The following GPC4 variants were observed in gnomAD, a reference collection of about 807,000 sequenced individuals.
The protein encoded by GPC4 is glypican 4, also known as glypican-4.
In GPC4, 10 loss-of-function variants were observed where a neutral mutation model predicts 35.0. That is an observed-to-expected ratio of 0.29 (90% CI 0.18 to 0.48). GPC4 has a LOEUF of 0.48. Ranked by LOEUF, GPC4 falls within the 20% of genes least tolerant of loss-of-function variation. The pLI is 0.99. For missense variants in GPC4, 322 were observed against 451.3 expected (o/e 0.71, Z 2.60); for synonymous variants, 167 against 170.2 (o/e 0.98, Z 0.15).
At chrX:133,318,941 C>T (rs1393241098) in intron 3 of GPC4, among the ~76,000 whole-genome samples, 1 of 111,916 alleles carries the variant, frequency 8.9e-6, no homozygotes, top group Non-Finnish European at 1.9e-5. Flanking sequence ...AAGTGTACTT[C>T]AACTATGAAG....
At chrX:133,406,747 C>CAAAAAA (rs56973194) in intron 1 of GPC4, among the ~76,000 whole-genome samples, 3 of 38,310 alleles carry the variant, frequency 7.8e-5, no homozygotes, top group Non-Finnish European at 1.4e-4. Flanking sequence ...GACTTCGTCT[C>CAAAAAA]AAAAAAAAAA....
intron 1 of GPC4, among the ~76,000 whole-genome samples, chrX:133,411,620 G>A (rs1281941257): frequency 9.0e-6 from 1 of 110,917 alleles, no homozygotes; most frequent in Non-Finnish European, 1.9e-5. Flanking sequence ...TTGTGTGTGC[G>A]TGGCTTATCT....
intron 2 of GPC4, among the ~76,000 whole-genome samples, chrX:133,331,045 A>G (rs372855220): frequency 4.2e-4 from 47 of 112,109 alleles, no homozygotes; most frequent in African/African-American, 1.4e-3. Flanking sequence ...CTATTAGCAT[A>G]TCACAGAGTA....
At chrX:133,411,442 T>C (rs2068812587) in intron 1 of GPC4, among the ~76,000 whole-genome samples, 1 of 112,109 alleles carries the variant, frequency 8.9e-6, no homozygotes, top group Admixed American at 9.5e-5. Flanking sequence ...ATTTTTAAAC[T>C]TATCTTCATT....
chrX:133,367,832 C>G (rs12858534), intron 1 of GPC4, among the ~76,000 whole-genome samples: 2 of 112,352 alleles, frequency 1.8e-5, no homozygotes, highest in African/African-American at 6.5e-5. Context: ...TGTGCCACTG[C>G]ACTCCGGGTA....
At chrX:133,374,376 C>T (rs747653119) in intron 1 of GPC4, among the ~76,000 whole-genome samples, 1 of 111,449 alleles carries the variant, frequency 9.0e-6, no homozygotes, top group Non-Finnish European at 1.9e-5. Context: ...GTGGGAGGAA[C>T]AGACTAAAGG....
At chrX:133,314,518 T>C (rs2068328503) in intron 3 of GPC4, among the ~76,000 whole-genome samples, 2 of 111,854 alleles carry the variant, frequency 1.8e-5, no homozygotes, top group Non-Finnish European at 3.8e-5. Flanking sequence ...GCTCTGTACA[T>C]GATTTGTTGT....
intron 1 of GPC4, among the ~76,000 whole-genome samples, chrX:133,390,671 A>G (rs1274366799): frequency 8.9e-6 from 1 of 112,527 alleles, no homozygotes; most frequent in East Asian, 2.8e-4. Flanking sequence ...TACATATGCA[A>G]TGAGGAAAGA....
At chrX:133,360,036 G>A (rs1185693331) in intron 1 of GPC4, among the ~76,000 whole-genome samples, 1 of 109,529 alleles carries the variant, frequency 9.1e-6, no homozygotes, top group Non-Finnish European at 1.9e-5. Context: ...GGCCTATGCT[G>A]GGGGGGGAGA....
At chrX:133,361,960 C>T (rs2068570584) in intron 1 of GPC4, among the ~76,000 whole-genome samples, 1 of 110,759 alleles carries the variant, frequency 9.0e-6, no homozygotes, top group Non-Finnish European at 1.9e-5. Context: ...TACCTGTAAT[C>T]CCAGCACTTT....
intron 1 of GPC4, among the ~76,000 whole-genome samples, chrX:133,405,104 C>CT (rs746824918): frequency 0.044 from 2,952 of 67,091 alleles, 88 homozygotes; most frequent in Non-Finnish European, 0.056. Context: ...CAATAGAACT[C>CT]TTTTTTTTTT....
intron 1 of GPC4, among the ~76,000 whole-genome samples, chrX:133,374,220 G>C (rs1221370288): frequency 9.0e-6 from 1 of 111,444 alleles, no homozygotes; most frequent in African/African-American, 3.3e-5. Flanking sequence ...AGCCACCAAA[G>C]GGATGAAACA....
chrX:133,359,414 A>G (rs1280717728), intron 1 of GPC4, among the ~76,000 whole-genome samples: 2 of 111,100 alleles, frequency 1.8e-5, no homozygotes, highest in Non-Finnish European at 3.8e-5. Flanking sequence ...CAGAAGAAAA[A>G]GCAGTGGTGA....
In GPC4 at chrX:133,300,465, T is replaced by C. The variant is rs906854499; in HGVS notation, c.*2402A>G. 3 of 112,217 alleles carry C rather than the reference T, an allele frequency of 2.7e-5. No homozygotes were observed. The highest frequency in any genetic ancestry group is 9.7e-5 in the African/African-American group (3 of 30,898). The allele number at this position is 112,217 out of a possible 1,213,427, so 9.2% of individuals were successfully genotyped here. A position where few individuals can be genotyped will look rare whatever the true frequency, so the allele number is the denominator to read the frequency against. ...TCCAAACTCTTAAGGTTTTAAAATATTCAACTTGCCTTTCTTCTTTTTTGG... is the reference window on the plus strand; with the variant it reads ...TCCAAACTCTTAAGGTTTTAAAATACTCAACTTGCCTTTCTTCTTTTTTGG... On this transcript the variant is annotated 3_prime_UTR_variant, in exon 9 of 9. Transcript: ENST00000370828.
intron 4 of GPC4, among the ~76,000 whole-genome samples, chrX:133,310,308 G>C (rs1185873457): frequency 8.9e-6 from 1 of 111,944 alleles, no homozygotes. Flanking sequence ...GGAAAAATGT[G>C]AGTTTCTTTT....
Position 133,363,798 on chromosome X carries a change from A to G in GPC4, c.161-24457T>C, listed in dbSNP as rs777091357. Among the ~76,000 whole-genome samples, 17 of 111,361 alleles carry G rather than the reference A, an allele frequency of 1.5e-4. No individual in the cohort carries two copies. In the South Asian group the frequency reaches 4.6e-3, roughly 30 times the overall value. On this transcript the variant is annotated intron_variant, in intron 1 of 8. Transcript: ENST00000370828. Reference sequence around the variant, plus strand: ...CCCAGAACATTTCCATTACACCAAAAAGAAATCCTGTGCCTATCAGCAGTC... The same window carrying G: ...CCCAGAACATTTCCATTACACCAAAGAGAAATCCTGTGCCTATCAGCAGTC...
At chrX:133,371,269 C>CA (rs1355660970) in intron 1 of GPC4, among the ~76,000 whole-genome samples, 1 of 112,451 alleles carries the variant, frequency 8.9e-6, no homozygotes, top group East Asian at 2.8e-4. Context: ...AGACTAGCCT[C>CA]AAAATCTCTT....
intron 1 of GPC4, among the ~76,000 whole-genome samples, chrX:133,359,913 G>T (rs1196865044): frequency 9.0e-6 from 1 of 110,881 alleles, no homozygotes; most frequent in African/African-American, 3.3e-5. Context: ...ATTCATAAGC[G>T]GGGTTCTAGA....
intron 3 of GPC4, among the ~76,000 whole-genome samples, chrX:133,318,976 G>A (rs994237471): frequency 2.7e-5 from 3 of 112,021 alleles, no homozygotes; most frequent in Non-Finnish European, 5.6e-5. Context: ...AGTAACTTAA[G>A]CTTGCTGGTG....
Sources: gnomAD v4.1 joint callset for allele counts (sites outside exome capture counted in the v4.1 genomes callset) on GRCh38, gnomAD v4.1.1 for gene constraint, MANE v1.5 for transcripts, NCBI Gene and HGNC (gene_info 2026-07-23, HGNC 2026-07-21) for gene names.